MROH1: variants seen among roughly 807,000 people sequenced by gnomAD.
MROH1 encodes maestro heat-like repeat-containing protein family member 1.
A neutral mutation model predicts 116.5 loss-of-function variants in MROH1; 117 were observed. That is an observed-to-expected ratio of 1.00 (90% CI 0.86 to 1.17). The LOEUF (loss-of-function observed/expected upper bound fraction) is 1.17. MROH1 is among the 50% of genes most tolerant of loss of function. The probability of loss-of-function intolerance (pLI) is 0.00; values close to 1 mark genes in which losing one functional copy is unlikely to be tolerated. For synonymous variants in MROH1, 921 were observed against 583.9 expected (o/e 1.58, Z -8.32); for missense variants, 1,873 against 1,338.5 (o/e 1.40, Z -6.23).
chr8:144,248,249 C>T (rs1158239694), intron 31 of MROH1, among the ~76,000 whole-genome samples: 1 of 152,208 alleles, frequency 6.6e-6, no homozygotes, highest in African/African-American at 2.4e-5. Flanking sequence ...CTGGTCTACT[C>T]TGAGGCTCAG....
In MROH1 at chr8:144,260,050, C is replaced by G. The variant is rs1844710478; in HGVS notation, c.4184C>G (p.Pro1395Arg). Residue 1395 changes from proline (P) to arginine (R), a missense_variant, in exon 38 of 44, where the codon CCT becomes CGT. Pro to Arg is a moderately radical substitution (Grantham distance 103). Transcript: ENST00000326134. ...CTGGCCAACCTGGCCTCCGGCTGCC[C>G]TGACAAGGTGGGGTGGCCACCAGCC... ...RGLANLASGC[P>R]DKVRTHGPQL... is the part of the protein sequence containing the mutation. The G allele has an allele frequency of 5.5e-6, 4 of 725,792 alleles. No individual in the cohort carries two copies. The highest frequency in any genetic ancestry group is 1.0e-5 in the Non-Finnish European group (4 of 398,610). 45.0% of individuals were successfully genotyped at this position (725,792 alleles called of 1,614,324 possible). A position where few individuals can be genotyped will look rare whatever the true frequency, so the allele number is the denominator to read the frequency against.
chr8:144,231,766 C>T (rs781817207), intron 14 of MROH1, among the ~76,000 whole-genome samples: 10 of 152,146 alleles, frequency 6.6e-5, no homozygotes, highest in African/African-American at 2.2e-4. Flanking sequence ...TTGAAAAAGG[C>T]GCCCGTAGAC....
chr8:144,154,800 G>T (rs921119929), intron 1 of MROH1, among the ~76,000 whole-genome samples: 1 of 151,938 alleles, frequency 6.6e-6, no homozygotes, highest in Non-Finnish European at 1.5e-5. Flanking sequence ...AAGTAGCTGG[G>T]ATTACAGGCA....
chr8:144,200,304 C>T (rs912543509), intron 11 of MROH1, 124 bp from the exon 12 acceptor site: 1 of 761,050 alleles, frequency 1.3e-6, no homozygotes, highest in South Asian at 2.1e-5. Context: ...TAGGTGACCC[C>T]AGCTTCTCAC....
intron 12 of MROH1, among the ~76,000 whole-genome samples, chr8:144,215,377 G>C (rs1835006921): frequency 6.6e-6 from 1 of 152,230 alleles, no homozygotes; most frequent in African/African-American, 2.4e-5. Flanking sequence ...TTACTGAAGA[G>C]CTGGAGCAGC....
At chr8:144,225,614 C>T (rs998910116) in intron 14 of MROH1, among the ~76,000 whole-genome samples, 7 of 150,896 alleles carry the variant, frequency 4.6e-5, no homozygotes, top group African/African-American at 1.7e-4. Context: ...TGCAGTGGTG[C>T]AATCTTGGCT....
intron 32 of MROH1, among the ~76,000 whole-genome samples, chr8:144,249,272 AG>A (rs1842439334): frequency 6.6e-6 from 1 of 152,162 alleles, no homozygotes; most frequent in South Asian, 2.1e-4. Context: ...GTCTGAAGAC[AG>A]GGGTTAGAAT....
At chr8:144,184,279 A>C (rs947887432) in intron 7 of MROH1, among the ~76,000 whole-genome samples, 2 of 152,164 alleles carry the variant, frequency 1.3e-5, no homozygotes, top group Admixed American at 6.6e-5. Flanking sequence ...GCTGCATGGC[A>C]GTGGCTCTGG....
rs1825854773 is a variant in MROH1 at position 144,182,082 on chromosome 8, T to C, written c.562+1559T>C. 6.6e-6 allele frequency among the ~76,000 whole-genome samples: 1 copy of C among 152,190 alleles called. No individual in the cohort carries two copies. Among genetic ancestry groups the C allele is most frequent in the Non-Finnish European group, 1.5e-5 (1 of 68,026 alleles). On this transcript the variant is annotated intron_variant, in intron 7 of 43. Coordinates refer to ENST00000326134, the MANE Select transcript of MROH1 (RefSeq NM_032450.3). The surrounding 1 kb of genome is among the most constrained non-coding windows in gnomAD (Gnocchi z 4.1). ...CCACCACAAATGGAACGTTCCCTGTTTGCATCTGGAGGGGTTGGTGGTCCT... is the reference window on the plus strand; with the variant it reads ...CCACCACAAATGGAACGTTCCCTGTCTGCATCTGGAGGGGTTGGTGGTCCT...
At chr8:144,165,673 C>T (rs1820633874) in intron 3 of MROH1, among the ~76,000 whole-genome samples, 1 of 151,842 alleles carries the variant, frequency 6.6e-6, no homozygotes, top group Non-Finnish European at 1.5e-5. Context: ...CTCCTGTCCT[C>T]AAGGGATCCT....
intron 10 of MROH1, among the ~76,000 whole-genome samples, chr8:144,196,054 GC>G (rs1263131407): frequency 6.6e-6 from 1 of 152,066 alleles, no homozygotes; most frequent in African/African-American, 2.4e-5. Context: ...ACTTTGGGAG[GC>G]CGAGGCGGGC....
chr8:144,192,377 C>T lies in MROH1; in HGVS notation c.924C>T (p.Ala308=), dbSNP rs778651901. The T allele has an allele frequency of 1.8e-5, 29 of 1,595,186 alleles. No individual in the cohort carries two copies. The highest frequency in any genetic ancestry group is 2.2e-5 in the Non-Finnish European group (26 of 1,174,438). Residue 308 remains alanine (A), a synonymous_variant, in exon 10 of 44, where the codon GCC becomes GCT. Transcript: ENST00000326134. ...GSRTLETQLD[A]LLAALHSQIC... Reference sequence around the variant, plus strand: ...GCACACTGGAGACCCAGCTGGATGCCCTCTTGGCTGCACTGCACTCCCAGG... The same window carrying T: ...GCACACTGGAGACCCAGCTGGATGCTCTCTTGGCTGCACTGCACTCCCAGG...
intron 10 of MROH1, chr8:144,192,816 TGTG>T (rs1175759675): frequency 5.7e-6 from 2 of 349,390 alleles, no homozygotes; most frequent in East Asian, 1.7e-4. Context: ...GAGGAAGTGA[TGTG>T]GGGAGGAGGC....
At chr8:144,150,967 G>A (rs1816592006) in intron 1 of MROH1, among the ~76,000 whole-genome samples, 1 of 152,146 alleles carries the variant, frequency 6.6e-6, no homozygotes, top group Non-Finnish European at 1.5e-5. Context: ...TGAGACCCAG[G>A]CCAGGCGTGA....
chr8:144,198,060 A>G (rs1466313042), intron 10 of MROH1, among the ~76,000 whole-genome samples: 3 of 151,368 alleles, frequency 2.0e-5, no homozygotes, highest in East Asian at 1.9e-4. Flanking sequence ...AAAAAAAAAA[A>G]AAAAGAAAGA....
In MROH1 at chr8:144,174,937, C is replaced by T. The variant is rs574852220; in HGVS notation, c.169-4518C>T. The T allele has an allele frequency of 1.2e-5, 12 of 985,458 alleles. No individual in the cohort carries two copies. In the Admixed American group the frequency reaches 3.1e-4, roughly 25 times the overall value. 61.0% of individuals were successfully genotyped at this position (985,458 alleles called of 1,614,324 possible). A position where few individuals can be genotyped will look rare whatever the true frequency, so the allele number is the denominator to read the frequency against. ...CACAGAGTGACAGATGGAGATGCCA[C>T]AGTTGTGAGTGGAATCTGGAGAACT... On this transcript the variant is annotated intron_variant, in intron 4 of 43. Transcript: ENST00000326134.
intron 12 of MROH1, among the ~76,000 whole-genome samples, chr8:144,220,161 A>G (rs1041153545): frequency 1.3e-5 from 2 of 152,234 alleles, no homozygotes; most frequent in Non-Finnish European, 2.9e-5. Context: ...CCAGACCAGC[A>G]GCATTAGCTC....
intron 34 of MROH1, 137 bp from the exon 35 acceptor site, chr8:144,255,372 C>T: frequency 1.5e-6 from 1 of 667,810 alleles, no homozygotes; most frequent in South Asian, 1.7e-5. Context: ...GCGCCTCGCC[C>T]TTCCTGCGCT....
intron 12 of MROH1, among the ~76,000 whole-genome samples, chr8:144,209,416 A>G (rs540442403): frequency 6.6e-6 from 1 of 151,586 alleles, no homozygotes; most frequent in Non-Finnish European, 1.5e-5. Context: ...CCGTCTCTAC[A>G]AAAAATACAA....
Sources: allele counts gnomAD v4.1 joint callset (sites outside exome capture counted in the v4.1 genomes callset), GRCh38; gene constraint gnomAD v4.1.1; non-coding constraint Gnocchi (gnomAD v3.1); transcripts MANE v1.5; gene names NCBI Gene and HGNC (gene_info 2026-07-23, HGNC 2026-07-21).